Variants in COLEC11 observed in about 807,000 individuals in gnomAD.
COLEC11 encodes the protein collectin subfamily member 11.
In COLEC11, 20 loss-of-function variants were observed where a neutral mutation model predicts 27.3. The observed-to-expected ratio is 0.73, with a 90% CI of 0.51 to 1.06. The LOEUF (loss-of-function observed/expected upper bound fraction) is 1.06, where lower values mean the gene tolerates loss of function less well. Ranked by LOEUF, COLEC11 falls within the 50% of genes least tolerant of loss-of-function variation. The probability of loss-of-function intolerance (pLI) is 0.00; values close to 1 mark genes in which losing one functional copy is unlikely to be tolerated. For missense variants in COLEC11, 310 were observed against 383.0 expected (o/e 0.81, Z 1.59); for synonymous variants, 163 against 154.7 (o/e 1.05, Z -0.40).
At chr2:3,635,156 C>T (rs946113164) in intron 3 of COLEC11, among the ~76,000 whole-genome samples, 2 of 151,044 alleles carry the variant, frequency 1.3e-5, no homozygotes, top group African/African-American at 4.9e-5. Flanking sequence ...CCGTGACATC[C>T]CCCTCTGTGC....
chr2:3,625,944 G>C, intron 3 of COLEC11: 1 of 1,450,872 alleles, frequency 6.9e-7, no homozygotes, highest in Non-Finnish European at 9.6e-7. Flanking sequence ...ACTTTGCAAA[G>C]TTATTTAACA....
At chr2:3,623,237 T>C (rs113334438) in intron 3 of COLEC11, among the ~76,000 whole-genome samples, 25 of 152,338 alleles carry the variant, frequency 1.6e-4, no homozygotes, top group African/African-American at 5.0e-4. Flanking sequence ...CTTTGATTTA[T>C]GGTAGTTTGA....
intron 1 of COLEC11, among the ~76,000 whole-genome samples, chr2:3,601,187 G>A (rs909533707): frequency 1.3e-5 from 2 of 152,248 alleles, no homozygotes; most frequent in African/African-American, 4.8e-5. Flanking sequence ...GTGGAGCCGG[G>A]ATTTGAGTAG....
At chr2:3,643,614 G>A in intron 6 of COLEC11, 75 bp downstream of exon 6, 2 of 1,598,148 alleles carry the variant, frequency 1.3e-6, no homozygotes, top group Non-Finnish European at 1.7e-6. Flanking sequence ...CAAGGGCTCT[G>A]CCGTGCCCAC....
chr2:3,635,546 C>T lies in COLEC11; in HGVS notation c.203-1987C>T, dbSNP rs114387960. On this transcript the variant is annotated intron_variant, in intron 3 of 6. Coordinates refer to ENST00000349077, the MANE Select transcript of COLEC11 (RefSeq NM_024027.5). ...AGGACGGACGAGGAAGTGGTGTCCC[C>T]GTTGCCCCTTTTCTATTCCCTTCCC... is the stretch of plus-strand genomic sequence containing the variant. Among the ~76,000 whole-genome samples, 1,210 of 152,294 alleles carry T rather than the reference C, an allele frequency of 7.9e-3. 12 individuals carry two copies. Among genetic ancestry groups the T allele is most frequent in the African/African-American group, 0.028 (1,161 of 41,552 alleles).
intron 2 of COLEC11, among the ~76,000 whole-genome samples, chr2:3,605,257 A>G (rs2147857417): frequency 6.6e-6 from 1 of 151,064 alleles, no homozygotes; most frequent in African/African-American, 2.4e-5. Context: ...CACCGGCCGC[A>G]GCAGAGTCCA....
chr2:3,620,255 T>G (rs888339213), intron 3 of COLEC11, among the ~76,000 whole-genome samples: 4 of 152,188 alleles, frequency 2.6e-5, no homozygotes, highest in African/African-American at 9.6e-5. Context: ...CTGTTCAAAT[T>G]TAGTATTTTT....
intron 1 of COLEC11, among the ~76,000 whole-genome samples, chr2:3,600,670 C>T (rs913628087): frequency 3.9e-5 from 6 of 152,276 alleles, no homozygotes; most frequent in Middle Eastern, 3.4e-3. Context: ...TGGATGGGAG[C>T]GGGGCTGGGG....
At chr2:3,598,723 G>A (rs1255056745) in intron 1 of COLEC11, among the ~76,000 whole-genome samples, 1 of 152,050 alleles carries the variant, frequency 6.6e-6, no homozygotes, top group Non-Finnish European at 1.5e-5. Context: ...GTGGGTGAGG[G>A]GTGTGGAGAG....
intron 3 of COLEC11, among the ~76,000 whole-genome samples, chr2:3,635,561 A>G (rs992021291): frequency 2.6e-5 from 4 of 151,964 alleles, no homozygotes; most frequent in South Asian, 4.1e-4. Context: ...CCCCTTTTCT[A>G]TTCCCTTCCC....
At chr2:3,603,913 G>A (rs1662427559) in intron 1 of COLEC11, 1 of 581,682 alleles carries the variant, frequency 1.7e-6, no homozygotes, top group Non-Finnish European at 3.1e-6. Context: ...TCCTTTAGCT[G>A]TATCTCAGCC....
At position 3,613,977 on chromosome 2, in the gene COLEC11, TTTC is replaced by T. The variant is rs1466009992; in HGVS notation, c.202+598_202+600del. Among the ~76,000 whole-genome samples, 99 of 83,078 alleles carry T rather than the reference TTTC, an allele frequency of 1.2e-3. 1 individual carries two copies. The highest frequency in any genetic ancestry group is 3.5e-3 in the South Asian group (4 of 1,150). The allele number at this position is 83,078 out of a possible 152,430, so 54.5% of individuals were successfully genotyped here. A position where few individuals can be genotyped will look rare whatever the true frequency, so the allele number is the denominator to read the frequency against. ...AGTGTTTTTTCTTTTTCTTTCTTTC[TTTC>T]TTTTTTTTTTTTTTGAGACTGAGTC... is the stretch of plus-strand genomic sequence containing the variant. On this transcript the variant is annotated intron_variant, in intron 3 of 6. Transcript: ENST00000349077.
intron 1 of COLEC11, chr2:3,603,784 G>C: frequency 1.0e-6 from 1 of 954,596 alleles, no homozygotes; most frequent in Non-Finnish European, 1.6e-6. Context: ...TCTCCTTACT[G>C]ATCTCACCGA....
chr2:3,639,201 C>A (rs1665666341), intron 4 of COLEC11, among the ~76,000 whole-genome samples: 1 of 152,232 alleles, frequency 6.6e-6, no homozygotes, highest in South Asian at 2.1e-4. Flanking sequence ...TGTCCATTCA[C>A]CTGTCGATGG....
chr2:3,617,738 G>A (rs984751073), intron 3 of COLEC11: 28 of 1,390,702 alleles, frequency 2.0e-5, no homozygotes, highest in Admixed American at 6.8e-5. Flanking sequence ...TCTGGTCTGC[G>A]CAGTGGCCAC....
At chr2:3,611,099 G>A (rs1408727692) in intron 2 of COLEC11, among the ~76,000 whole-genome samples, 2 of 152,270 alleles carry the variant, frequency 1.3e-5, no homozygotes, top group East Asian at 1.9e-4. Flanking sequence ...CTAAATCTTC[G>A]CAGCCACGAA....
In COLEC11 at chr2:3,621,292, G is replaced by A. The variant is rs565366719; in HGVS notation, c.202+7910G>A. Among the ~76,000 whole-genome samples, 17 of 152,092 alleles carry A rather than the reference G, an allele frequency of 1.1e-4. No homozygotes were observed. In the East Asian group the frequency reaches 3.1e-3, roughly 28 times the overall value. ...ATATAAAAACCCTTTTTTACTCTTG[G>A]CTACAGTTTTTGACATAGTCTATTT... On this transcript the variant is annotated intron_variant, in intron 3 of 6. Coordinates refer to ENST00000349077, the MANE Select transcript of COLEC11 (RefSeq NM_024027.5).
intron 1 of COLEC11, among the ~76,000 whole-genome samples, chr2:3,600,978 C>T (rs770994727): frequency 1.4e-4 from 22 of 152,232 alleles, no homozygotes; most frequent in Admixed American, 7.8e-4. Context: ...CTCCCATCCA[C>T]GCCCCTTCTC....
chr2:3,625,901 G>A (rs560812945), intron 3 of COLEC11: 24 of 996,392 alleles, frequency 2.4e-5, no homozygotes, highest in Middle Eastern at 2.1e-4. Flanking sequence ...CCAAAGTGCC[G>A]GGATTATAGG....
Sources: gnomAD v4.1 joint callset for allele counts (sites outside exome capture counted in the v4.1 genomes callset) on GRCh38, gnomAD v4.1.1 for gene constraint, MANE v1.5 for transcripts, NCBI Gene and HGNC (gene_info 2026-07-23, HGNC 2026-07-21) for gene names.